Variants in DLG3 observed in about 807,000 individuals in gnomAD.
The protein encoded by DLG3 is disks large homolog 3.
Under a neutral mutation model 64.1 loss-of-function variants are expected in DLG3, and 1 was observed. That is an observed-to-expected ratio of 0.02 (90% confidence interval 0.01 to 0.07). DLG3 has a LOEUF of 0.07. Ranked by LOEUF, DLG3 falls within the 10% of genes least tolerant of loss-of-function variation. The pLI is 1.00. For synonymous variants in DLG3, 245 were observed against 259.8 expected (o/e 0.94, Z 0.55); for missense variants, 429 against 669.5 (o/e 0.64, Z 3.96).
At chrX:70,471,486 C>T (rs1226702400) in intron 9 of DLG3, among the ~76,000 whole-genome samples, 12 of 110,298 alleles carry the variant, frequency 1.1e-4, no homozygotes, top group Admixed American at 5.8e-4. Flanking sequence ...CCCGCCACCA[C>T]GCCCGGCTAA....
chrX:70,480,461 A>G (rs1399720329), intron 10 of DLG3, among the ~76,000 whole-genome samples: 1 of 111,135 alleles, frequency 9.0e-6, no homozygotes, highest in Non-Finnish European at 1.9e-5. Context: ...CCTAATGTGA[A>G]CCCTCAACTC....
At chrX:70,448,573 C>A (rs1305758717) in intron 1 of DLG3, 5 of 1,162,216 alleles carry the variant, frequency 4.3e-6, no homozygotes, top group Middle Eastern at 2.3e-4. Context: ...TCTGCCATCC[C>A]CCTTAGGCCA....
At chrX:70,452,706 C>T in intron 7 of DLG3, 1 of 1,201,984 alleles carries the variant, frequency 8.3e-7, no homozygotes, top group Non-Finnish European at 1.1e-6. Context: ...GAGGGCTTCG[C>T]AGAGGTGGGC....
At chrX:70,494,174 T>A (rs1450789889) in intron 12 of DLG3, among the ~76,000 whole-genome samples, 3 of 112,679 alleles carry the variant, frequency 2.7e-5, no homozygotes, top group Non-Finnish European at 3.8e-5. Flanking sequence ...GGAAGAGCAG[T>A]CACACTGAGC....
Position 70,503,906 on chromosome X carries a change from A to AT in DLG3, c.*1637_*1638insT, listed in dbSNP as rs2087610560. ...CGCCTCCATACTGGAGGGACGACGC[A>AT]GGGGAGAACAGAGAAGTGCTTGGCC... On this transcript the variant is annotated 3_prime_UTR_variant, in exon 19 of 19. Transcript: ENST00000374360. 9.0e-6 allele frequency: 1 copy of AT among 111,052 alleles called. No individual in the cohort carries two copies. Among genetic ancestry groups the AT allele is most frequent in the Non-Finnish European group, 1.9e-5 (1 of 52,963 alleles). The allele number at this position is 111,052 out of a possible 1,213,427, so 9.2% of individuals were successfully genotyped here.
Position 70,445,553 on chromosome X carries a change from G to A in DLG3, c.352G>A (p.Glu118Lys). 2 of 1,179,504 alleles carry A rather than the reference G, an allele frequency of 1.7e-6. No individual in the cohort carries two copies. The change falls in exon 1 of 19, where the codon GAG becomes AAG. Residue 118 changes from glutamate to lysine, a missense_variant. Physicochemically the swap from Glu to Lys is moderately conservative, Grantham distance 56. This residue lies in a region of DLG3 where 123 missense variants were observed against 113.3 expected (regional missense o/e 1.09). Transcript: ENST00000374360. ...ECTCTNRDWY[E>K]QVNGSDGMFK... Reference sequence around the variant, plus strand: ...CACCTGTACCAACCGGGACTGGTATGAGCAGGTATGGACCAGCGGAGGGGG... The same window carrying A: ...CACCTGTACCAACCGGGACTGGTATAAGCAGGTATGGACCAGCGGAGGGGG...
At chrX:70,500,807 T>G (rs1187350737) in intron 17 of DLG3, 91 bp from the exon 18 acceptor site, 5 of 921,309 alleles carry the variant, frequency 5.4e-6, no homozygotes, top group Non-Finnish European at 7.7e-6. Flanking sequence ...GAGGGCAGCT[T>G]AGCAGATTTT....
rs1467978525 is a variant in DLG3 at position 70,502,912 on chromosome X, G to A, written c.*643G>A. On this transcript the variant is annotated 3_prime_UTR_variant, in exon 19 of 19. Transcript: ENST00000374360. ...AATGGTACTATGTTATTAGAGAAATGCTTTAATTTTCATATTCCAATCAGA... is the reference window on the plus strand; with the variant it reads ...AATGGTACTATGTTATTAGAGAAATACTTTAATTTTCATATTCCAATCAGA... 3 of 110,419 alleles carry A rather than the reference G, an allele frequency of 2.7e-5. No individual in the cohort carries two copies. Among genetic ancestry groups the A allele is most frequent in the Non-Finnish European group, 3.8e-5 (2 of 52,875 alleles). The allele number at this position is 110,419 out of a possible 1,213,427, so 9.1% of individuals were successfully genotyped here.
At position 70,464,256 on chromosome X, in the gene DLG3, CCTTTCCTTTCT is replaced by C. The variant is rs781364554; in HGVS notation, c.1405+9956_1405+9966del. Among the ~76,000 whole-genome samples the C allele has an allele frequency of 7.0e-4, 74 of 105,149 alleles. No individual in the cohort carries two copies. The East Asian group carries it at 0.012, about 17-fold the overall frequency. 91.3% of individuals were successfully genotyped at this position (105,149 alleles called of 115,157 possible). On this transcript the variant is annotated intron_variant, in intron 9 of 18. Transcript: ENST00000374360. ...CTTTCCTTTCCTTTCTCTTTCCTTT[CCTTTCCTTTCT>C]CTTTCCTTTCTCTTTTCTTTTGTCT... is the stretch of plus-strand genomic sequence containing the variant.
At chrX:70,468,612 T>C (rs774275820) in intron 9 of DLG3, among the ~76,000 whole-genome samples, 1 of 111,869 alleles carries the variant, frequency 8.9e-6, no homozygotes, top group Non-Finnish European at 1.9e-5. Context: ...GACACCCAGC[T>C]TTCTGGGTTA....
At position 70,449,782 on chromosome X, in the gene DLG3, T is replaced by C; in HGVS notation, c.626T>C (p.Val209Ala). ...AVEALKEAGP[V>A]VRLVVRRRQP... The stretch of plus-strand genomic sequence containing the variant: ...GAGGCGCTGAAGGAGGCAGGCCCTG[T>C]GGTGCGATTGGTGGTGCGGAGGCGA... Residue 209 changes from valine (V) to alanine (A), a missense_variant, in exon 4 of 19, where the codon GTG becomes GCG. Around this residue, in one of 9 missense-constraint regions of DLG3, gnomAD observed 73 missense variants for 158.5 expected, o/e 0.46. Coordinates refer to ENST00000374360, the MANE Select transcript of DLG3 (RefSeq NM_021120.4). 8.3e-7 allele frequency: 1 copy of C among 1,206,556 alleles called. No homozygotes were observed.
At chrX:70,501,413 C>CTGTGTGTGTGTG (rs58272461) in intron 18 of DLG3, among the ~76,000 whole-genome samples, 5,193 of 93,743 alleles carry the variant, frequency 0.055, 162 homozygotes, top group African/African-American at 0.1. Flanking sequence ...GTCTGTCTGT[C>CTGTGTGTGTGTG]TGTGTGTGTG....
chrX:70,466,874 G>C (rs763118488), intron 9 of DLG3, among the ~76,000 whole-genome samples: 2 of 111,785 alleles, frequency 1.8e-5, no homozygotes, highest in African/African-American at 3.3e-5. Flanking sequence ...AATAAATACT[G>C]TCCGAGTTTT....
At position 70,502,304 on chromosome X, in the gene DLG3, G is replaced by T; in HGVS notation, c.*35G>T. On this transcript the variant is annotated 3_prime_UTR_variant, in exon 19 of 19. Coordinates refer to ENST00000374360, the MANE Select transcript of DLG3 (RefSeq NM_021120.4). ...TCCAACCATTCTCTTGTGAACAGAA[G>T]AAATCAAGTCCCTCTTCCCTCCTCC... is the stretch of plus-strand genomic sequence containing the variant. 9.9e-7 allele frequency: 1 copy of T among 1,008,307 alleles called. No homozygotes were observed. Among genetic ancestry groups the T allele is most frequent in the Non-Finnish European group, 1.4e-6 (1 of 715,090 alleles). The allele number at this position is 1,008,307 out of a possible 1,213,427, so 83.1% of individuals were successfully genotyped here. A position where few individuals can be genotyped will look rare whatever the true frequency, so the allele number is the denominator to read the frequency against.
At chrX:70,495,278 C>A (rs749635444) in intron 12 of DLG3, 130 bp from the exon 13 acceptor site, 1 of 582,293 alleles carries the variant, frequency 1.7e-6, no homozygotes, top group African/African-American at 2.3e-5. Context: ...TCTTCCTCCC[C>A]CCTTGTCTTT....
chrX:70,488,591 T>C (rs2087300118), intron 10 of DLG3, among the ~76,000 whole-genome samples: 2 of 111,659 alleles, frequency 1.8e-5, no homozygotes, highest in Non-Finnish European at 3.8e-5. Context: ...GTTGAGGGAA[T>C]TGGGAATGAT....
At chrX:70,497,159 C>T (rs1442391666) in intron 13 of DLG3, 6 of 1,206,300 alleles carry the variant, frequency 5.0e-6, no homozygotes, top group Non-Finnish European at 6.7e-6. Flanking sequence ...GAATTGGAGT[C>T]TCTTTCTTGT....
chrX:70,446,306 G>A (rs941886698), intron 1 of DLG3, among the ~76,000 whole-genome samples: 2 of 110,002 alleles, frequency 1.8e-5, no homozygotes, highest in Admixed American at 1.9e-4. Context: ...AGAGGCGCTT[G>A]ACAGGCAAGG....
At chrX:70,500,874 CTA>C in intron 17 of DLG3, 22 bp from the exon 18 acceptor site, 5 of 1,149,213 alleles carry the variant, frequency 4.4e-6, no homozygotes, top group Non-Finnish European at 5.9e-6. Flanking sequence ...TGGTTCAGAA[CTA>C]TTTTTCTTCT....
Sources: gnomAD v4.1 joint callset for allele counts (sites outside exome capture counted in the v4.1 genomes callset) on GRCh38, gnomAD v4.1.1 for gene constraint, gnomAD v4.1.1 regional missense constraint, MANE v1.5 for transcripts, NCBI Gene and HGNC (gene_info 2026-07-23, HGNC 2026-07-21) for gene names.